Variants in ZNF407 observed in about 807,000 individuals in gnomAD.
ZNF407 encodes the protein zinc finger protein 407.
ZNF407 carries 17 observed loss-of-function variants against 131.2 expected under a neutral mutation model. The observed-to-expected ratio is 0.13, with a 90% confidence interval of 0.09 to 0.19. The LOEUF is 0.19. ZNF407 is among the 10% of genes least tolerant of loss of function. The pLI is 1.00. For missense variants in ZNF407, 2,681 were observed against 2,830.6 expected, an observed-to-expected ratio of 0.95 and a Z score of 1.20; for synonymous variants, 1,156 against 1,062.0, an observed-to-expected ratio of 1.09 and a Z score of -1.72.
intron 8 of ZNF407, among the ~76,000 whole-genome samples, chr18:74,927,059 T>G (rs1027926747): frequency 6.6e-6 from 1 of 152,206 alleles, no homozygotes; most frequent in African/African-American, 2.4e-5. Flanking sequence ...AGAACTCTGT[T>G]TTTCATGCTA....
intron 3 of ZNF407, among the ~76,000 whole-genome samples, chr18:74,759,939 A>G (rs1599131150): frequency 7.6e-6 from 1 of 131,380 alleles, no homozygotes; most frequent in South Asian, 2.6e-4. Flanking sequence ...TTTTTCGGTT[A>G]CTTTACATGT....
At chr18:74,916,385 T>G (rs1599241102) in intron 7 of ZNF407, among the ~76,000 whole-genome samples, 2 of 105,932 alleles carry the variant, frequency 1.9e-5, no homozygotes, top group Non-Finnish European at 3.5e-5. Context: ...TATGGTGAGG[T>G]TGTGTGCAGT....
intron 3 of ZNF407, among the ~76,000 whole-genome samples, chr18:74,738,547 G>C (rs527802577): frequency 6.6e-6 from 1 of 151,396 alleles, no homozygotes; most frequent in Admixed American, 6.6e-5. Flanking sequence ...AGACCAATCT[G>C]ACCAACATAA....
intron 3 of ZNF407, among the ~76,000 whole-genome samples, chr18:74,676,620 G>A (rs935930477): frequency 1.3e-5 from 2 of 151,264 alleles, no homozygotes; most frequent in Non-Finnish European, 2.9e-5. Flanking sequence ...ATTTTTAGTA[G>A]AGACGGGGTT....
At chr18:75,022,101 A>G (rs1429501802) in intron 8 of ZNF407, among the ~76,000 whole-genome samples, 1 of 152,152 alleles carries the variant, frequency 6.6e-6, no homozygotes, top group Admixed American at 6.6e-5. Context: ...TATTATAACT[A>G]GTAACTTAAC....
chr18:74,631,642 A>T lies in ZNF407; in HGVS notation c.623A>T (p.His208Leu). ...CSDLEKHAES[H>L]MQQPKEHTCC... ...GACTTGGAAAAACATGCTGAGTCTC[A>T]CATGCAGCAGCCTAAGGAACATACC... The change falls in exon 2 of 9, where the codon CAC becomes CTC. Residue 208 changes from histidine (H) to leucine (L), a missense_variant. Physicochemically the swap from His to Leu is moderately conservative, Grantham distance 99. Coordinates refer to ENST00000299687, the MANE Select transcript of ZNF407 (RefSeq NM_017757.3). 6.2e-7 allele frequency: 1 copy of T among 1,613,970 alleles called. No individual in the cohort carries two copies. Among genetic ancestry groups the T allele is most frequent in the Non-Finnish European group, 8.5e-7 (1 of 1,179,898 alleles).
chr18:74,673,300 A>G (rs573082790), intron 3 of ZNF407, among the ~76,000 whole-genome samples: 1 of 152,290 alleles, frequency 6.6e-6, no homozygotes, highest in African/African-American at 2.4e-5. Flanking sequence ...CACCAGTAGG[A>G]ATCAAGGCGT....
chr18:74,918,922 A>G (rs1264852896), intron 7 of ZNF407, among the ~76,000 whole-genome samples: 1 of 152,142 alleles, frequency 6.6e-6, no homozygotes, highest in Non-Finnish European at 1.5e-5. Context: ...GTACATGTGC[A>G]TTTGATGACA....
At chr18:74,720,176 A>C (rs893717042) in intron 3 of ZNF407, among the ~76,000 whole-genome samples, 1 of 149,658 alleles carries the variant, frequency 6.7e-6, no homozygotes, top group African/African-American at 2.5e-5. Context: ...AGCATTTGCT[A>C]TTTTTTTTTT....
chr18:74,637,033 C>T (rs566809572), intron 2 of ZNF407, among the ~76,000 whole-genome samples: 30 of 152,168 alleles, frequency 2.0e-4, no homozygotes, highest in Admixed American at 1.8e-3. Context: ...TTTTAGAATT[C>T]TTTATGCAAC....
rs1003029070 is a variant in ZNF407 at position 74,739,462 on chromosome 18, T to G, written c.4803-41966T>G. 1.5e-4 allele frequency among the ~76,000 whole-genome samples: 23 copies of G among 151,832 alleles called. 2 individuals carry two copies. The South Asian group carries it at 4.8e-3, about 32-fold the overall frequency. ...TGGTCATTGAAACAGGTATTTTCCT[T>G]TCAGAGAATGTTCTTACATTTGGGC... is the stretch of plus-strand genomic sequence containing the variant. On this transcript the variant is annotated intron_variant, in intron 3 of 8. Transcript: ENST00000299687.
intron 7 of ZNF407, among the ~76,000 whole-genome samples, chr18:74,919,376 A>G (rs1199606067): frequency 6.6e-6 from 1 of 152,220 alleles, no homozygotes; most frequent in Admixed American, 6.5e-5. Flanking sequence ...GTAGACCTAC[A>G]TAAAGTTCTT....
At chr18:75,042,401 C>T (rs929904568) in intron 8 of ZNF407, among the ~76,000 whole-genome samples, 2 of 152,004 alleles carry the variant, frequency 1.3e-5, no homozygotes, top group Non-Finnish European at 2.9e-5. Context: ...AAATAAGTCA[C>T]TGAATTGGTC....
chr18:74,941,489 T>C (rs1972098618), intron 8 of ZNF407, among the ~76,000 whole-genome samples: 1 of 152,200 alleles, frequency 6.6e-6, no homozygotes, highest in Non-Finnish European at 1.5e-5. Flanking sequence ...GATCATGATA[T>C]TCCAGGCATA....
chr18:75,036,293 T>G (rs1207265337), intron 8 of ZNF407, among the ~76,000 whole-genome samples: 1 of 150,990 alleles, frequency 6.6e-6, no homozygotes, highest in Non-Finnish European at 1.5e-5. Flanking sequence ...TTTACAAAAA[T>G]AAAACGATGT....
intron 8 of ZNF407, among the ~76,000 whole-genome samples, chr18:75,011,163 A>G (rs535273083): frequency 6.6e-6 from 1 of 152,302 alleles, no homozygotes; most frequent in East Asian, 1.9e-4. Flanking sequence ...TAAATTTACC[A>G]AAGTAATAAT....
chr18:74,763,744 C>T (rs1487139682), intron 3 of ZNF407, among the ~76,000 whole-genome samples: 1 of 115,592 alleles, frequency 8.7e-6, no homozygotes. Flanking sequence ...GAGTCTCGCT[C>T]TGTCGCCCAG....
intron 4 of ZNF407, among the ~76,000 whole-genome samples, chr18:74,812,598 C>T (rs148708303): frequency 3.3e-5 from 5 of 151,794 alleles, no homozygotes; most frequent in Admixed American, 6.6e-5. Context: ...TGTGTGTGTT[C>T]GTTCTATGAG....
chr18:74,914,398 G>C (rs568858245), intron 7 of ZNF407, among the ~76,000 whole-genome samples: 1 of 152,186 alleles, frequency 6.6e-6, no homozygotes. Context: ...TGCGCTGTGT[G>C]CCGGAGCCAT....
Sources: allele counts gnomAD v4.1 joint callset (sites outside exome capture counted in the v4.1 genomes callset), GRCh38; gene constraint gnomAD v4.1.1; transcripts MANE v1.5; gene names NCBI Gene and HGNC (gene_info 2026-07-23, HGNC 2026-07-21).